Variants in NCKAP5L observed in about 807,000 individuals in gnomAD.
NCKAP5L encodes the protein nck-associated protein 5-like.
NCKAP5L carries 54 observed loss-of-function variants against 103.2 expected under a neutral mutation model. The observed-to-expected ratio is 0.52, with a 90% confidence interval of 0.42 to 0.66. NCKAP5L has a LOEUF of 0.66. NCKAP5L is among the 30% of genes least tolerant of loss of function. The probability of loss-of-function intolerance (pLI) is 0.00; values close to 1 mark genes in which losing one functional copy is unlikely to be tolerated. For missense variants in NCKAP5L, 1,733 were observed against 1,750.6 expected, an observed-to-expected ratio of 0.99 and a Z score of 0.18; for synonymous variants, 762 against 748.6, an observed-to-expected ratio of 1.02 and a Z score of -0.29.
rs750762366 is a variant in NCKAP5L at position 49,796,756 on chromosome 12, T to C, written c.1104A>G (p.Pro368=). 1.2e-6 allele frequency: 2 copies of C among 1,613,242 alleles called. No homozygotes were observed. The highest frequency in any genetic ancestry group is 1.7e-5 in the Admixed American group (1 of 59,940). The change falls in exon 8 of 13, where the codon CCA becomes CCG. Residue 368 remains proline, a synonymous_variant. Transcript: ENST00000335999. ...GGAGGCCTTTGGACTTAGACAGCTG[T>C]GGGGGCGCCTGGTCTGGGGAGGATG... ...GQSSSPDQAP[P]QLSKSKGLPK...
At chr12:49,810,315 C>T (rs1946225789) in intron 1 of NCKAP5L, among the ~76,000 whole-genome samples, 1 of 152,240 alleles carries the variant, frequency 6.6e-6, no homozygotes, top group South Asian at 2.1e-4. Context: ...CGTCCTAGCC[C>T]AGCCGAGGGT....
chr12:49,802,796 G>T, intron 5 of NCKAP5L, 162 bp downstream of exon 5: 1 of 748,100 alleles, frequency 1.3e-6, no homozygotes, highest in Non-Finnish European at 2.1e-6. Context: ...GCCTTACCTA[G>T]TCCCACCTCT....
chr12:49,818,581 G>C (rs1169077970), intron 1 of NCKAP5L, among the ~76,000 whole-genome samples: 1 of 152,002 alleles, frequency 6.6e-6, no homozygotes, highest in Middle Eastern at 3.4e-3. Flanking sequence ...GGCTGGTCTC[G>C]AACTCCTGGG....
intron 1 of NCKAP5L, among the ~76,000 whole-genome samples, chr12:49,818,133 G>GAAA (rs561411067): frequency 8.2e-5 from 11 of 133,654 alleles, no homozygotes; most frequent in African/African-American, 3.0e-4. Context: ...CTGTGTCTTG[G>GAAA]AAAAAAAAAA....
In NCKAP5L at chr12:49,792,755, C is replaced by G; in HGVS notation, c.3572G>C (p.Arg1191Pro). 1 of 1,608,790 alleles carries G rather than the reference C, an allele frequency of 6.2e-7. No homozygotes were observed. Among genetic ancestry groups the G allele is most frequent in the South Asian group, 1.1e-5 (1 of 90,536 alleles). ...AGGGAAGGCTGGCATGCTGGGGTGC[C>G]GCCCACTCACCAGCAGCTCCTCTAT... ...PGIEELLVSG[R>P]HPSMPAFPAL... is the part of the protein sequence containing the mutation. Residue 1191 changes from arginine (R) to proline (P), a missense_variant, in exon 11 of 13, where the codon CGG (arginine) becomes CCG (proline). By Grantham distance (103) the Arg-to-Pro change is moderately radical (BLOSUM62 -2). Coordinates refer to ENST00000335999, the MANE Select transcript of NCKAP5L (RefSeq NM_001037806.4). The surrounding 1 kb of genome is among the most constrained non-coding windows in gnomAD (Gnocchi z 4.5).
At chr12:49,813,337 AGT>A (rs1946261976) in intron 1 of NCKAP5L, among the ~76,000 whole-genome samples, 1 of 152,180 alleles carries the variant, frequency 6.6e-6, no homozygotes, top group Admixed American at 6.5e-5. Context: ...CCAGCCACCC[AGT>A]AAGTGTGAAG....
At chr12:49,800,178 A>G (rs1224932242) in intron 6 of NCKAP5L, among the ~76,000 whole-genome samples, 1 of 152,220 alleles carries the variant, frequency 6.6e-6, no homozygotes, top group African/African-American at 2.4e-5. Context: ...CTGGGCAACA[A>G]GAGTGAAACT....
At chr12:49,814,387 G>A (rs1946275276) in intron 1 of NCKAP5L, among the ~76,000 whole-genome samples, 1 of 150,986 alleles carries the variant, frequency 6.6e-6, no homozygotes, top group Admixed American at 6.6e-5. Context: ...GGGAGGCTGA[G>A]GCAGGAGAAC....
chr12:49,808,571 CCA>C (rs1382327702), intron 1 of NCKAP5L, among the ~76,000 whole-genome samples: 1 of 152,212 alleles, frequency 6.6e-6, no homozygotes, highest in Admixed American at 6.5e-5. Flanking sequence ...CAGAGAGAGA[CCA>C]CCACCACCAG....
intron 1 of NCKAP5L, among the ~76,000 whole-genome samples, chr12:49,814,804 A>G (rs1946280229): frequency 6.6e-6 from 1 of 152,224 alleles, no homozygotes; most frequent in African/African-American, 2.4e-5. Flanking sequence ...CCAAGATCCA[A>G]TCCAGGATTC....
At chr12:49,803,035 C>T (rs1288514048) in intron 4 of NCKAP5L, 39 bp from the exon 5 acceptor site, 2 of 1,614,122 alleles carry the variant, frequency 1.2e-6, no homozygotes, top group African/African-American at 1.3e-5. Flanking sequence ...CATCAGCTGA[C>T]CCCAGCTTCT....
At chr12:49,799,514 G>A (rs1382346980) in intron 6 of NCKAP5L, among the ~76,000 whole-genome samples, 1 of 151,850 alleles carries the variant, frequency 6.6e-6, no homozygotes, top group East Asian at 1.9e-4. Context: ...ATGGTGTCTT[G>A]CTATGTTGCC....
In NCKAP5L at chr12:49,803,985, A is replaced by G. The variant is rs769544445; in HGVS notation, c.60T>C (p.Gly20=). 7 of 1,611,854 alleles carry G rather than the reference A, an allele frequency of 4.3e-6. No individual in the cohort carries two copies. Among genetic ancestry groups the G allele is most frequent in the Non-Finnish European group, 5.9e-6 (7 of 1,179,882 alleles). Residue 20 remains glycine, a synonymous_variant, in exon 3 of 13, where the codon GGT becomes GGC. Transcript: ENST00000335999. ...GGPGNPRPGE[G]DDGSMEPGTC... is the part of the protein sequence containing the mutation. ...TGCCTGGCTCCATGCTGCCATCATC[A>G]CCCTCTCCTGGCCTTGGGTTTCCAG...
At chr12:49,793,207 G>T in intron 10 of NCKAP5L, 145 bp downstream of exon 10, 2 of 864,872 alleles carry the variant, frequency 2.3e-6, no homozygotes, top group Non-Finnish European at 3.6e-6. Context: ...ATTTGTTCCT[G>T]TGTAGCTCCA....
chr12:49,796,520 G>A lies in NCKAP5L; in HGVS notation c.1340C>T (p.Pro447Leu). Residue 447 changes from proline (P) to leucine (L), a missense_variant, in exon 8 of 13, where the codon CCC becomes CTC. By Grantham distance (98) the Pro-to-Leu change is moderately conservative. Coordinates refer to ENST00000335999, the MANE Select transcript of NCKAP5L (RefSeq NM_001037806.4). ...GPPSPGEAQG[P>L]LLPSPARGLK... ...ACCCCTAGCTGGAGAGGGCAGAAGG[G>A]GTCCCTGAGCTTCCCCAGGAGAAGG... 1.3e-6 allele frequency: 2 copies of A among 1,564,532 alleles called. No homozygotes were observed. The highest frequency in any genetic ancestry group is 1.4e-5 in the African/African-American group (1 of 73,338).
chr12:49,821,345 G>A (rs866957477), intron 1 of NCKAP5L, among the ~76,000 whole-genome samples: 2 of 152,174 alleles, frequency 1.3e-5, no homozygotes, highest in African/African-American at 4.8e-5. Flanking sequence ...AATAGAAGAC[G>A]ATGTGATGCG....
At chr12:49,801,397 G>C (rs904549486) in intron 6 of NCKAP5L, among the ~76,000 whole-genome samples, 2 of 152,134 alleles carry the variant, frequency 1.3e-5, no homozygotes, top group African/African-American at 4.8e-5. Context: ...CTGGGGAAGG[G>C]AGGTGTCAGG....
chr12:49,825,666 G>A (rs1009548449), intron 1 of NCKAP5L, among the ~76,000 whole-genome samples: 4 of 152,162 alleles, frequency 2.6e-5, no homozygotes, highest in Non-Finnish European at 5.9e-5. Context: ...GGCTCACAGC[G>A]GTAAGGAAGG....
intron 1 of NCKAP5L, among the ~76,000 whole-genome samples, chr12:49,812,814 T>C (rs1474943336): frequency 6.6e-6 from 1 of 152,208 alleles, no homozygotes. Context: ...ATTTATGTAG[T>C]TATCCCTTGG....
Sources: gnomAD v4.1 joint callset for allele counts (sites outside exome capture counted in the v4.1 genomes callset) on GRCh38, gnomAD v4.1.1 for gene constraint, Gnocchi (gnomAD v3.1) non-coding constraint, MANE v1.5 for transcripts, NCBI Gene and HGNC (gene_info 2026-07-23, HGNC 2026-07-21) for gene names.